The following PARD3 variants were observed in gnomAD, a reference collection of about 807,000 sequenced individuals.
PARD3 encodes partitioning defective 3 homolog.
PARD3 carries 75 observed loss-of-function variants against 155.4 expected under a neutral mutation model. The observed-to-expected ratio is 0.48, with a 90% confidence interval of 0.40 to 0.58. The LOEUF is 0.58. PARD3 is among the 20% of genes least tolerant of loss of function. PARD3 has a pLI of 0.00. For missense variants in PARD3, 1,642 were observed against 1,721.7 expected (o/e 0.95, Z 0.82); for synonymous variants, 576 against 610.5 (o/e 0.94, Z 0.83).
chr10:34,555,800 G>A (rs2084935017), intron 2 of PARD3, among the ~76,000 whole-genome samples: 1 of 152,024 alleles, frequency 6.6e-6, no homozygotes, highest in African/African-American at 2.4e-5. Context: ...GTGAGCCCTG[G>A]GGAGGCAGAG....
At chr10:34,768,867 T>C (rs74507225) in intron 1 of PARD3, among the ~76,000 whole-genome samples, 2,499 of 152,304 alleles carry the variant, frequency 0.016, 75 homozygotes, top group African/African-American at 0.057. Flanking sequence ...ACCCCAGGCA[T>C]GGTGACAGAG....
At chr10:34,505,896 G>A (rs1196491722) in intron 3 of PARD3, among the ~76,000 whole-genome samples, 6 of 152,190 alleles carry the variant, frequency 3.9e-5, no homozygotes, top group African/African-American at 7.2e-5. Flanking sequence ...ACTTTGGGAA[G>A]CTGAGGCAGG....
chr10:34,642,312 T>C (rs751866173), intron 2 of PARD3, among the ~76,000 whole-genome samples: 2 of 151,992 alleles, frequency 1.3e-5, no homozygotes, highest in Non-Finnish European at 2.9e-5. Context: ...TCATGAATCT[T>C]TCTAAAAACA....
At chr10:34,640,582 C>T (rs931882586) in intron 2 of PARD3, among the ~76,000 whole-genome samples, 1 of 151,578 alleles carries the variant, frequency 6.6e-6, no homozygotes, top group Non-Finnish European at 1.5e-5. Context: ...TGGTGGCATG[C>T]GCCTATAGTC....
chr10:34,262,643 T>A (rs1162554249), intron 22 of PARD3, among the ~76,000 whole-genome samples: 1 of 152,206 alleles, frequency 6.6e-6, no homozygotes, highest in African/African-American at 2.4e-5. Context: ...AATGCCAACA[T>A]TTTAGACAAG....
In PARD3 at chr10:34,110,017, C is replaced by A. The variant is rs1226284703; in HGVS notation, c.*1152G>T. The stretch of plus-strand genomic sequence containing the variant: ...GATCCCCGAGACCCACACACACACT[C>A]TAATACTGACGCGAGAGTGAGCTTC... On this transcript the variant is annotated 3_prime_UTR_variant, in exon 25 of 25. Transcript: ENST00000374788. 2.0e-5 allele frequency: 3 copies of A among 151,912 alleles called. No individual in the cohort carries two copies. The highest frequency in any genetic ancestry group is 7.3e-5 in the African/African-American group (3 of 41,326). 9.4% of individuals were successfully genotyped at this position (151,912 alleles called of 1,614,324 possible).
chr10:34,372,684 T>C, intron 11 of PARD3, 148 bp from the exon 12 acceptor site: 3 of 622,156 alleles, frequency 4.8e-6, no homozygotes, highest in Non-Finnish European at 8.5e-6. Flanking sequence ...GCTGACATAA[T>C]GCTCTGTCTT....
At chr10:34,179,180 A>G (rs536521412) in intron 22 of PARD3, among the ~76,000 whole-genome samples, 30,179 of 151,996 alleles carry the variant, frequency 0.2, 3,220 homozygotes, top group Middle Eastern at 0.34. Context: ...ACACACACAC[A>G]CACACACACA....
At chr10:34,490,037 C>T (rs1215247710) in intron 3 of PARD3, among the ~76,000 whole-genome samples, 1 of 152,136 alleles carries the variant, frequency 6.6e-6, no homozygotes, top group East Asian at 1.9e-4. Flanking sequence ...AATCCAGGAA[C>T]ACCAAGAACT....
At chr10:34,786,388 G>T (rs534090430) in intron 1 of PARD3, among the ~76,000 whole-genome samples, 69 of 152,234 alleles carry the variant, frequency 4.5e-4, no homozygotes, top group African/African-American at 1.7e-3. Context: ...GATGATGAAG[G>T]AATAGCCCAA....
intron 12 of PARD3, among the ~76,000 whole-genome samples, chr10:34,360,754 G>A (rs1839361253): frequency 6.6e-6 from 1 of 152,040 alleles, no homozygotes; most frequent in Non-Finnish European, 1.5e-5. Context: ...GCAGAAAAAG[G>A]TATATGGGTT....
At chr10:34,709,647 T>A (rs532872207) in intron 1 of PARD3, among the ~76,000 whole-genome samples, 35 of 151,768 alleles carry the variant, frequency 2.3e-4, no homozygotes, top group Non-Finnish European at 4.9e-4. Flanking sequence ...GAGCCCAGGG[T>A]GGCGGAAGTG....
rs1220936789 is a variant in PARD3 at position 34,300,290 on chromosome 10, C to G, written c.3066-16045G>C. Among the ~76,000 whole-genome samples, 3 of 152,082 alleles carry G rather than the reference C, an allele frequency of 2.0e-5. No individual in the cohort carries two copies. The East Asian group carries it at 5.8e-4, about 29-fold the overall frequency. On this transcript the variant is annotated intron_variant, in intron 20 of 24. Transcript: ENST00000374788. ...CACAGTCTGGAAATGTATGTGAGTA[C>G]ATAGTGGGGGCTCCTGATTATGTGT...
chr10:34,481,026 T>C (rs982542392), intron 3 of PARD3, among the ~76,000 whole-genome samples: 6 of 151,928 alleles, frequency 3.9e-5, no homozygotes, highest in Non-Finnish European at 7.4e-5. Flanking sequence ...GGTCTCAAAC[T>C]CCTGACCTCA....
intron 2 of PARD3, among the ~76,000 whole-genome samples, chr10:34,572,854 A>C (rs1010836239): frequency 6.6e-6 from 1 of 152,108 alleles, no homozygotes; most frequent in Non-Finnish European, 1.5e-5. Flanking sequence ...TGGTATTAAA[A>C]GTGATAATGC....
chr10:34,694,740 T>C (rs1223788498), intron 2 of PARD3, among the ~76,000 whole-genome samples: 1 of 152,178 alleles, frequency 6.6e-6, no homozygotes, highest in Non-Finnish European at 1.5e-5. Flanking sequence ...TGGGACAAAT[T>C]CCACCATGAC....
At chr10:34,721,979 AC>A (rs2133739106) in intron 1 of PARD3, among the ~76,000 whole-genome samples, 1 of 152,236 alleles carries the variant, frequency 6.6e-6, no homozygotes, top group African/African-American at 2.4e-5. Context: ...GGAGTTCAAG[AC>A]CAGCCTGGGC....
chr10:34,320,079 T>A (rs1564581252), intron 19 of PARD3, among the ~76,000 whole-genome samples: 1 of 152,300 alleles, frequency 6.6e-6, no homozygotes, highest in South Asian at 2.1e-4. Context: ...GCTCCTCAAA[T>A]GAAGACTGTG....
At chr10:34,698,392 C>CA (rs2094213067) in intron 1 of PARD3, among the ~76,000 whole-genome samples, 1 of 152,144 alleles carries the variant, frequency 6.6e-6, no homozygotes, top group African/African-American at 2.4e-5. Flanking sequence ...ATTTTCCCCC[C>CA]ACTCTGTGCC....
Sources: allele counts gnomAD v4.1 joint callset (sites outside exome capture counted in the v4.1 genomes callset), GRCh38; gene constraint gnomAD v4.1.1; transcripts MANE v1.5; gene names NCBI Gene and HGNC (gene_info 2026-07-23, HGNC 2026-07-21).